The following LRRC7 variants were observed in gnomAD, a reference collection of about 807,000 sequenced individuals.
The protein encoded by LRRC7 is leucine rich repeat containing 7.
In LRRC7, 23 loss-of-function variants were observed where a neutral mutation model predicts 175.7. That is an observed-to-expected ratio of 0.13 (90% CI 0.09 to 0.19). LRRC7 has a LOEUF of 0.19. Ranked by LOEUF, LRRC7 falls within the 10% of genes least tolerant of loss-of-function variation. LRRC7 has a pLI of 1.00. For missense variants in LRRC7, 1,354 were observed against 1,904.7 expected, an observed-to-expected ratio of 0.71 and a Z score of 5.38; for synonymous variants, 685 against 680.9, an observed-to-expected ratio of 1.01 and a Z score of -0.09.
At chr1:69,936,097 T>C (rs1474430495) in intron 8 of LRRC7, among the ~76,000 whole-genome samples, 1 of 152,188 alleles carries the variant, frequency 6.6e-6, no homozygotes, top group Non-Finnish European at 1.5e-5. Flanking sequence ...TAACAAAATA[T>C]GATTTCTGTA....
At chr1:69,924,524 A>C (rs375226814) in intron 7 of LRRC7, among the ~76,000 whole-genome samples, 1 of 152,122 alleles carries the variant, frequency 6.6e-6, no homozygotes, top group Non-Finnish European at 1.5e-5. Flanking sequence ...CGTCCCTTGT[A>C]AGTTGGATTC....
At chr1:69,934,512 T>TGGGGGGGGGGGGGGGG (rs1647774815) in intron 8 of LRRC7, among the ~76,000 whole-genome samples, 1 of 43,628 alleles carries the variant, frequency 2.3e-5, no homozygotes, top group Non-Finnish European at 4.3e-5. Context: ...GGGCGGGGGG[T>TGGGGGGGGGGGGGGGG]GGGGGGTTTT....
chr1:69,695,336 T>G (rs1023729891), intron 2 of LRRC7, among the ~76,000 whole-genome samples: 1 of 152,198 alleles, frequency 6.6e-6, no homozygotes, highest in African/African-American at 2.4e-5. Context: ...ACATTCAAAA[T>G]GTGGCATGGC....
chr1:69,763,557 G>C (rs911337757), intron 3 of LRRC7, among the ~76,000 whole-genome samples: 2 of 152,012 alleles, frequency 1.3e-5, no homozygotes, highest in Non-Finnish European at 2.9e-5. Context: ...GGTCACCTCT[G>C]TAGAGTTGTG....
At chr1:69,590,059 G>C (rs193236168) in intron 1 of LRRC7, among the ~76,000 whole-genome samples, 3 of 152,172 alleles carry the variant, frequency 2.0e-5, no homozygotes, top group East Asian at 3.9e-4. Flanking sequence ...ACAGTTGTAA[G>C]GAAGAAAATG....
intron 2 of LRRC7, among the ~76,000 whole-genome samples, chr1:69,679,056 A>T (rs1257658850): frequency 2.0e-5 from 3 of 152,140 alleles, no homozygotes; most frequent in Non-Finnish European, 4.4e-5. Flanking sequence ...TCATCCTCAA[A>T]TTATTAAATA....
chr1:69,651,137 T>G (rs1655767085), intron 1 of LRRC7, among the ~76,000 whole-genome samples: 1 of 152,326 alleles, frequency 6.6e-6, no homozygotes, highest in Admixed American at 6.5e-5. Context: ...TGGCATGAAC[T>G]TAGAAGCATA....
intron 1 of LRRC7, among the ~76,000 whole-genome samples, chr1:69,652,253 A>AAGAT (rs10633471): frequency 6.6e-6 from 1 of 151,470 alleles, no homozygotes; most frequent in Non-Finnish European, 1.5e-5. Flanking sequence ...AGAAAACCCT[A>AAGAT]TTCACAAACT....
chr1:69,984,216 G>A lies in LRRC7; in HGVS notation c.787-2026G>A, dbSNP rs568171080. On this transcript the variant is annotated intron_variant, in intron 9 of 26. Transcript: ENST00000651989. ...TGGGATTACAGGCGTGAGCCACCGC[G>A]CCCAGCAGAGATTATACATTTCTAA... Among the ~76,000 whole-genome samples, 4 of 152,180 alleles carry A rather than the reference G, an allele frequency of 2.6e-5. No individual in the cohort carries two copies. The South Asian group carries it at 6.2e-4, about 24-fold the overall frequency.
chr1:69,698,850 A>G (rs1281189884), intron 2 of LRRC7, among the ~76,000 whole-genome samples: 2 of 152,164 alleles, frequency 1.3e-5, no homozygotes, highest in Non-Finnish European at 1.5e-5. Context: ...AGTCCAAATT[A>G]TTGGTCAATG....
chr1:70,121,108 A>G (rs946425494), intron 26 of LRRC7, among the ~76,000 whole-genome samples: 2 of 152,020 alleles, frequency 1.3e-5, no homozygotes, highest in African/African-American at 4.8e-5. Flanking sequence ...TCAATTGCTT[A>G]TATCAATGAT....
intron 2 of LRRC7, among the ~76,000 whole-genome samples, chr1:69,698,044 A>C (rs1212082704): frequency 1.3e-5 from 2 of 152,198 alleles, no homozygotes; most frequent in Non-Finnish European, 2.9e-5. Context: ...TGTGAGAAAG[A>C]AAAAATGGGG....
intron 7 of LRRC7, chr1:69,919,375 C>G (rs745840859): frequency 1.6e-6 from 1 of 616,248 alleles, no homozygotes; most frequent in Non-Finnish European, 2.9e-6. Context: ...CGAGGAGAAA[C>G]TGCCGCCTGG....
intron 23 of LRRC7, among the ~76,000 whole-genome samples, chr1:70,056,909 C>T (rs982314512): frequency 2.0e-5 from 3 of 152,048 alleles, no homozygotes; most frequent in Admixed American, 6.6e-5. Context: ...TGCACAGAAA[C>T]GTCAAGCAAG....
At position 70,122,006 on chromosome 1, in the gene LRRC7, A is replaced by G; in HGVS notation, c.*119A>G. 2 of 674,176 alleles carry G rather than the reference A, an allele frequency of 3.0e-6. No individual in the cohort carries two copies. The highest frequency in any genetic ancestry group is 5.3e-6 in the Non-Finnish European group (2 of 374,828). 41.8% of individuals were successfully genotyped at this position (674,176 alleles called of 1,614,324 possible). On this transcript the variant is annotated 3_prime_UTR_variant, in exon 27 of 27. Transcript: ENST00000651989. ...AATGGCAAACATTAGTGCCAAATGT[A>G]TAATACTATATGTTAGCACTGACCA...
intron 7 of LRRC7, among the ~76,000 whole-genome samples, chr1:69,912,189 A>AAATTAAT (rs1646552012): frequency 6.6e-6 from 1 of 152,124 alleles, no homozygotes; most frequent in African/African-American, 2.4e-5. Context: ...ATACTCAGAA[A>AAATTAAT]GCCCAATATA....
intron 1 of LRRC7, among the ~76,000 whole-genome samples, chr1:69,663,879 G>T (rs1005292121): frequency 6.6e-6 from 1 of 150,764 alleles, no homozygotes; most frequent in Non-Finnish European, 1.5e-5. Context: ...CCGCCACCGC[G>T]CCCGGCTAAT....
chr1:69,657,998 A>G (rs944564075), intron 1 of LRRC7, among the ~76,000 whole-genome samples: 3 of 151,840 alleles, frequency 2.0e-5, no homozygotes, highest in African/African-American at 7.2e-5. Flanking sequence ...CTGTTTTTCA[A>G]TTCATCATTT....
intron 2 of LRRC7, among the ~76,000 whole-genome samples, chr1:69,732,885 T>C (rs1667731204): frequency 6.6e-6 from 1 of 152,060 alleles, no homozygotes; most frequent in South Asian, 2.1e-4. Context: ...TAATAGGGAT[T>C]CCATACATTC....
Sources: allele counts gnomAD v4.1 joint callset (sites outside exome capture counted in the v4.1 genomes callset), GRCh38; gene constraint gnomAD v4.1.1; transcripts MANE v1.5; gene names NCBI Gene and HGNC (gene_info 2026-07-23, HGNC 2026-07-21).